The following CSMD1 variants were observed in gnomAD, a reference collection of about 807,000 sequenced individuals.
The protein encoded by CSMD1 is CUB and Sushi multiple domains 1, also known as CUB and sushi domain-containing protein 1.
Under a neutral mutation model 417.5 loss-of-function variants are expected in CSMD1, and 213 were observed. The observed-to-expected ratio is 0.51, with a 90% CI of 0.46 to 0.57. CSMD1 has a LOEUF of 0.57. CSMD1 is among the 20% of genes least tolerant of loss of function. CSMD1 has a pLI of 0.00. For missense variants in CSMD1, 6,923 were observed against 4,529.7 expected, an observed-to-expected ratio of 1.53 and a Z score of -15.17; for synonymous variants, 2,862 against 1,736.8, an observed-to-expected ratio of 1.65 and a Z score of -16.11.
intron 3 of CSMD1, among the ~76,000 whole-genome samples, chr8:4,214,589 T>C (rs1800520307): frequency 6.6e-6 from 1 of 152,156 alleles, no homozygotes; most frequent in Non-Finnish European, 1.5e-5. Flanking sequence ...TGAGCCACTG[T>C]GCCTGGCCCA....
In CSMD1 at chr8:3,540,004, C is replaced by T. The variant is rs1013972018; in HGVS notation, c.1344+34941G>A. Among the ~76,000 whole-genome samples, 9 of 152,070 alleles carry T rather than the reference C, an allele frequency of 5.9e-5. No homozygotes were observed. The East Asian group carries it at 1.7e-3, about 29-fold the overall frequency. On this transcript the variant is annotated intron_variant, in intron 10 of 69. Coordinates refer to ENST00000635120, the MANE Select transcript of CSMD1 (RefSeq NM_033225.6). ...TAAAGCCTGCTTATATTTGCATCTCCAGTAAAACAGGGCTGCTTCTGTTGT... is the reference window on the plus strand; with the variant it reads ...TAAAGCCTGCTTATATTTGCATCTCTAGTAAAACAGGGCTGCTTCTGTTGT...
chr8:3,535,473 T>C (rs1206559866), intron 10 of CSMD1, among the ~76,000 whole-genome samples: 1 of 152,092 alleles, frequency 6.6e-6, no homozygotes, highest in African/African-American at 2.4e-5. Context: ...ATGTTCTCAC[T>C]TATAAGTGGG....
At chr8:3,612,832 T>C (rs1454436673) in intron 8 of CSMD1, among the ~76,000 whole-genome samples, 6 of 151,800 alleles carry the variant, frequency 4.0e-5, no homozygotes, top group Admixed American at 6.6e-5. Context: ...AGAATAAAGG[T>C]CTTAAATCAC....
intron 1 of CSMD1, among the ~76,000 whole-genome samples, chr8:4,856,940 C>T (rs2084362726): frequency 2.6e-5 from 4 of 152,058 alleles, no homozygotes; most frequent in Admixed American, 2.6e-4. Context: ...CAGAACTCTC[C>T]ACCCCAAATC....
chr8:4,562,213 C>T (rs577358570), intron 2 of CSMD1, among the ~76,000 whole-genome samples: 1 of 152,054 alleles, frequency 6.6e-6, no homozygotes, highest in African/African-American at 2.4e-5. Flanking sequence ...TGAGCCAAGT[C>T]CTGGAAGAAA....
At chr8:4,300,832 G>C (rs544988782) in intron 3 of CSMD1, among the ~76,000 whole-genome samples, 2 of 152,150 alleles carry the variant, frequency 1.3e-5, no homozygotes, top group South Asian at 2.1e-4. Context: ...ATGGTTTCCA[G>C]TTTCATCCAT....
chr8:4,143,018 G>C (rs1364643732), intron 3 of CSMD1, among the ~76,000 whole-genome samples: 1 of 150,218 alleles, frequency 6.7e-6, no homozygotes, highest in Non-Finnish European at 1.5e-5. Context: ...CTCCATTTAG[G>C]AACTAGTGTC....
chr8:3,673,763 T>C (rs1340175164), intron 7 of CSMD1, among the ~76,000 whole-genome samples: 3 of 152,162 alleles, frequency 2.0e-5, no homozygotes, highest in African/African-American at 7.2e-5. Flanking sequence ...CCCTCAAGCA[T>C]GAAAGCATGA....
intron 3 of CSMD1, among the ~76,000 whole-genome samples, chr8:4,415,852 A>AACAAAT (rs1796905259): frequency 6.6e-6 from 1 of 152,200 alleles, no homozygotes; most frequent in African/African-American, 2.4e-5. Flanking sequence ...TACGTAAATA[A>AACAAAT]ACGTAATATA....
intron 5 of CSMD1, among the ~76,000 whole-genome samples, chr8:3,765,698 G>A (rs1798229126): frequency 6.6e-6 from 1 of 152,210 alleles, no homozygotes; most frequent in Admixed American, 6.5e-5. Context: ...ATGCCCAGTG[G>A]CTTCCCATCA....
intron 8 of CSMD1, among the ~76,000 whole-genome samples, chr8:3,598,676 G>T (rs1343533898): frequency 1.3e-5 from 2 of 152,208 alleles, no homozygotes; most frequent in Admixed American, 6.5e-5. Flanking sequence ...GAATGAATCA[G>T]TAGCTGAAGG....
chr8:4,836,509 C>T lies in CSMD1; in HGVS notation c.85+157823G>A, dbSNP rs116368327. 2.6e-3 allele frequency among the ~76,000 whole-genome samples: 399 copies of T among 152,248 alleles called. 1 individual carries two copies. Among genetic ancestry groups the T allele is most frequent in the African/African-American group, 9.2e-3 (382 of 41,552 alleles). Reference sequence around the variant, plus strand: ...CGGCAGACAGCTAACATGAATCATGCATATGCTAATTGTAATAAATAATGA... The same window carrying T: ...CGGCAGACAGCTAACATGAATCATGTATATGCTAATTGTAATAAATAATGA... On this transcript the variant is annotated intron_variant, in intron 1 of 69. Transcript: ENST00000635120.
chr8:3,082,670 C>G (rs1214198340), intron 49 of CSMD1, among the ~76,000 whole-genome samples: 1 of 152,102 alleles, frequency 6.6e-6, no homozygotes, highest in Non-Finnish European at 1.5e-5. Context: ...GGCTTCAGAC[C>G]CACAGCAACA....
At chr8:4,407,565 G>T (rs1186566306) in intron 3 of CSMD1, among the ~76,000 whole-genome samples, 1 of 152,132 alleles carries the variant, frequency 6.6e-6, no homozygotes, top group African/African-American at 2.4e-5. Context: ...ATATAGTAAT[G>T]TATAAATGAA....
At chr8:4,173,547 G>A (rs1309521900) in intron 3 of CSMD1, among the ~76,000 whole-genome samples, 2 of 152,096 alleles carry the variant, frequency 1.3e-5, no homozygotes, top group Non-Finnish European at 1.5e-5. Context: ...TACAAGAAAG[G>A]AGAAAGATAA....
intron 5 of CSMD1, among the ~76,000 whole-genome samples, chr8:3,918,511 G>C (rs571771585): frequency 1.3e-5 from 2 of 151,916 alleles, no homozygotes; most frequent in Non-Finnish European, 2.9e-5. Context: ...ATCTACTTGG[G>C]TTATTTGCCC....
chr8:3,747,594 T>C lies in CSMD1; in HGVS notation c.931+6336A>G, dbSNP rs549660257. On this transcript the variant is annotated intron_variant, in intron 6 of 69. Coordinates refer to ENST00000635120, the MANE Select transcript of CSMD1 (RefSeq NM_033225.6). ...TTTCCAAGTTTGTTTATTACTTCTA[T>C]GGTTAATGAACATTTAGGTGATTCT... is the stretch of plus-strand genomic sequence containing the variant. 1.1e-4 allele frequency among the ~76,000 whole-genome samples: 17 copies of C among 152,236 alleles called. No homozygotes were observed. In the East Asian group the frequency reaches 1.7e-3, roughly 16 times the overall value.
rs34264635 is a variant in CSMD1 at position 3,140,347 on chromosome 8, C to G, written c.6241+2118G>C. On this transcript the variant is annotated intron_variant, in intron 41 of 69. Coordinates refer to ENST00000635120, the MANE Select transcript of CSMD1 (RefSeq NM_033225.6). ...TGATGTTCTCTCTCTCTCTCTCTCT[C>G]TGTCTCTCTCTCTCTGTTTTTCTCT... Among the ~76,000 whole-genome samples, 632 of 82,876 alleles carry G rather than the reference C, an allele frequency of 7.6e-3. 3 individuals are homozygous for G. Among genetic ancestry groups the G allele is most frequent in the Middle Eastern group, 0.027 (4 of 150 alleles). 54.4% of individuals were successfully genotyped at this position (82,876 alleles called of 152,430 possible). A position where few individuals can be genotyped will look rare whatever the true frequency, so the allele number is the denominator to read the frequency against.
intron 3 of CSMD1, among the ~76,000 whole-genome samples, chr8:4,319,590 C>A (rs931936891): frequency 6.6e-5 from 10 of 152,174 alleles, no homozygotes; most frequent in Admixed American, 3.9e-4. Context: ...ACAGGAAATA[C>A]AGAGTGGTGA....
Sources: allele counts gnomAD v4.1 joint callset (sites outside exome capture counted in the v4.1 genomes callset), GRCh38; gene constraint gnomAD v4.1.1; transcripts MANE v1.5; gene names NCBI Gene and HGNC (gene_info 2026-07-23, HGNC 2026-07-21).